The following RABEP1 variants were observed in gnomAD, a reference collection of about 807,000 sequenced individuals.
The protein encoded by RABEP1 is rabaptin, RAB GTPase binding effector protein 1, also known as rab GTPase-binding effector protein 1.
RABEP1 carries 51 observed loss-of-function variants against 123.4 expected under a neutral mutation model. The ratio of observed to expected loss-of-function variants is 0.41; its 90% CI spans 0.33 to 0.52. The LOEUF is 0.52. Among genes scored for constraint, RABEP1 ranks in the 20% least tolerant of loss-of-function variants. The pLI is 0.16. For missense variants in RABEP1, 888 were observed against 996.3 expected, an observed-to-expected ratio of 0.89 and a Z score of 1.46; for synonymous variants, 347 against 355.2, an observed-to-expected ratio of 0.98 and a Z score of 0.26.
In RABEP1 at chr17:5,383,753, T is replaced by C. The variant is rs560946955; in HGVS notation, c.*530T>C. ...TACTGACTGTATTTTGTTTTCCTTTTACCATTTTATCTTATCTTGCTTTGG... is the reference window on the plus strand; with the variant it reads ...TACTGACTGTATTTTGTTTTCCTTTCACCATTTTATCTTATCTTGCTTTGG... On this transcript the variant is annotated 3_prime_UTR_variant, in exon 18 of 18. Coordinates refer to ENST00000537505, the MANE Select transcript of RABEP1 (RefSeq NM_004703.6). 12 of 158,752 alleles carry C rather than the reference T, an allele frequency of 7.6e-5. No individual in the cohort carries two copies. In the East Asian group the frequency reaches 1.2e-3, roughly 16 times the overall value. The allele number at this position is 158,752 out of a possible 1,614,324, so 9.8% of individuals were successfully genotyped here. A position where few individuals can be genotyped will look rare whatever the true frequency, so the allele number is the denominator to read the frequency against.
chr17:5,317,882 A>G (rs894181986), intron 2 of RABEP1, among the ~76,000 whole-genome samples: 4 of 152,130 alleles, frequency 2.6e-5, no homozygotes, highest in Non-Finnish European at 5.9e-5. Context: ...TGGCCATTTA[A>G]TCATGTCCAT....
At chr17:5,380,596 G>A (rs1305943305) in intron 16 of RABEP1, 134 bp downstream of exon 16, 2 of 785,266 alleles carry the variant, frequency 2.5e-6, no homozygotes, top group Non-Finnish European at 4.3e-6. Context: ...GACAGCTTGT[G>A]AAAAGAAAAA....
intron 1 of RABEP1, among the ~76,000 whole-genome samples, chr17:5,303,542 A>G (rs888136885): frequency 6.6e-6 from 1 of 152,160 alleles, no homozygotes; most frequent in African/African-American, 2.4e-5. Context: ...GTGCCTGTCC[A>G]ATAGTTTTAT....
chr17:5,334,583 C>T (rs1248116520), intron 3 of RABEP1, among the ~76,000 whole-genome samples: 3 of 152,180 alleles, frequency 2.0e-5, no homozygotes, highest in African/African-American at 7.2e-5. Flanking sequence ...CCAGGCTTGT[C>T]TTGAAATCCT....
rs149962707 is a variant in RABEP1, at chr17:5,293,115, C to A, written c.34+10595C>A. On this transcript the variant is annotated intron_variant, in intron 1 of 17. Coordinates refer to ENST00000537505, the MANE Select transcript of RABEP1 (RefSeq NM_004703.6). ...GACCAGCCTGACTAACATGAAACCC[C>A]GTCTCTACTAAACATACAAAAATTA... Among the ~76,000 whole-genome samples the A allele has an allele frequency of 9.2e-5, 14 of 152,156 alleles. No individual in the cohort carries two copies. The East Asian group carries it at 2.7e-3, about 29-fold the overall frequency.
chr17:5,322,319 C>G (rs570487650), intron 2 of RABEP1, among the ~76,000 whole-genome samples: 64 of 152,088 alleles, frequency 4.2e-4, no homozygotes, highest in Non-Finnish European at 8.4e-4. Context: ...GATTGTGCCA[C>G]TCTGCATGCC....
chr17:5,372,565 A>T (rs930282955), intron 12 of RABEP1, among the ~76,000 whole-genome samples: 2 of 152,224 alleles, frequency 1.3e-5, no homozygotes, highest in African/African-American at 4.8e-5. Context: ...GAGCCTAAAC[A>T]GAGGTATACA....
chr17:5,367,848 G>A lies in RABEP1; in HGVS notation c.1786-522G>A, dbSNP rs998917321. Among the ~76,000 whole-genome samples the A allele has an allele frequency of 6.7e-5, 10 of 149,276 alleles. 1 individual carries two copies. The highest frequency in any genetic ancestry group is 2.0e-4 in the Admixed American group (3 of 14,898). ...GGGCTCACTGCAACCTCTGCCTCCC[G>A]GTTTTCAAGCAATTCTCCTGCCTCA... On this transcript the variant is annotated intron_variant, in intron 11 of 17. Transcript: ENST00000537505.
In RABEP1 at chr17:5,297,586, C is replaced by T. The variant is rs2075095401; in HGVS notation, c.35-11108C>T. ...AGGTTAGCTTAATCTTAGAATGTTT[C>T]TGCATCTGTAACTGGGGTGATAATG... On this transcript the variant is annotated intron_variant, in intron 1 of 17. Transcript: ENST00000537505. 3.3e-5 allele frequency among the ~76,000 whole-genome samples: 5 copies of T among 152,284 alleles called. No homozygotes were observed. The South Asian group carries it at 1.0e-3, about 32-fold the overall frequency.
chr17:5,290,825 G>T (rs556097983), intron 1 of RABEP1, among the ~76,000 whole-genome samples: 1 of 152,104 alleles, frequency 6.6e-6, no homozygotes, highest in African/African-American at 2.4e-5. Context: ...TGAACTCCTG[G>T]CCTCAAATGA....
At chr17:5,292,769 C>T (rs1054243857) in intron 1 of RABEP1, among the ~76,000 whole-genome samples, 4 of 152,122 alleles carry the variant, frequency 2.6e-5, no homozygotes, top group Admixed American at 6.6e-5. Context: ...GCAATCTCTG[C>T]TTTCCGGGCT....
chr17:5,363,163 T>C (rs1021628334), intron 10 of RABEP1, 147 bp downstream of exon 10: 50 of 630,072 alleles, frequency 7.9e-5, no homozygotes, highest in Non-Finnish European at 1.3e-4. Context: ...GTACATGCAA[T>C]GGCAGTTACA....
At chr17:5,350,856 A>G (rs1047515842) in intron 7 of RABEP1, among the ~76,000 whole-genome samples, 1 of 152,148 alleles carries the variant, frequency 6.6e-6, no homozygotes, top group East Asian at 1.9e-4. Context: ...AATGATCTTC[A>G]GTGACTGCAG....
chr17:5,371,412 C>A (rs1011486561), intron 12 of RABEP1: 1 of 152,230 alleles, frequency 6.6e-6, no homozygotes, highest in African/African-American at 2.4e-5. Context: ...TTTCCACTCA[C>A]TCTTATACGT....
intron 12 of RABEP1, chr17:5,371,580 G>A (rs1378700181): frequency 6.6e-6 from 1 of 152,170 alleles, no homozygotes. Context: ...AAGCACAGTG[G>A]ATTCTAGTCT....
intron 1 of RABEP1, among the ~76,000 whole-genome samples, chr17:5,296,991 G>C (rs1168337584): frequency 6.6e-6 from 1 of 150,938 alleles, no homozygotes; most frequent in Non-Finnish European, 1.5e-5. Flanking sequence ...GCCTGCCTCA[G>C]CTTCCATGAG....
At position 5,377,151 on chromosome 17, in the gene RABEP1, C is replaced by A. The variant is rs1361938238; in HGVS notation, c.2061C>A (p.Asp687Glu). The A allele has an allele frequency of 6.2e-7, 1 of 1,606,322 alleles. No individual in the cohort carries two copies. The highest frequency in any genetic ancestry group is 8.5e-7 in the Non-Finnish European group (1 of 1,178,274). ...AGTTGGTATTAAAATACCGTGAGGACATCATTAATGTGCGGACAGCAGCAG... is the reference window on the plus strand; with the variant it reads ...AGTTGGTATTAAAATACCGTGAGGAAATCATTAATGTGCGGACAGCAGCAG... ...LRELVLKYRE[D>E]IINVRTAADH... is the part of the protein sequence containing the mutation. Residue 687 changes from aspartate to glutamate, a missense_variant, in exon 14 of 18, where the codon GAC (aspartate) becomes GAA (glutamate). Physicochemically the swap from Asp to Glu is conservative, Grantham distance 45 (BLOSUM62 2). Transcript: ENST00000537505.
intron 16 of RABEP1, among the ~76,000 whole-genome samples, chr17:5,381,150 C>G (rs575505775): frequency 6.6e-6 from 1 of 152,102 alleles, no homozygotes; most frequent in East Asian, 1.9e-4. Flanking sequence ...TGGGGGAGGG[C>G]AGCACTTTAA....
Position 5,383,508 on chromosome 17 carries a change from C to CT in RABEP1, c.*286dup, listed in dbSNP as rs947586385. 5.2e-6 allele frequency: 2 copies of CT among 382,800 alleles called. No homozygotes were observed. Among genetic ancestry groups the CT allele is most frequent in the Non-Finnish European group, 9.6e-6 (2 of 207,520 alleles). 23.7% of individuals were successfully genotyped at this position (382,800 alleles called of 1,614,324 possible). ...GATGGAAAAAGCGCTGTTTCCTTGC[C>CT]TGCTTTCTCCAAGACAGATTTTCGG... On this transcript the variant is annotated 3_prime_UTR_variant, in exon 18 of 18. Coordinates refer to ENST00000537505, the MANE Select transcript of RABEP1 (RefSeq NM_004703.6).
Sources: allele counts gnomAD v4.1 joint callset (sites outside exome capture counted in the v4.1 genomes callset), GRCh38; gene constraint gnomAD v4.1.1; transcripts MANE v1.5; gene names NCBI Gene and HGNC (gene_info 2026-07-23, HGNC 2026-07-21).